Variants in CLEC19A observed in about 807,000 individuals in gnomAD.
CLEC19A encodes the protein C-type lectin domain containing 19A, also known as C-type lectin domain family 19 member A.
CLEC19A carries 21 observed loss-of-function variants against 26.1 expected under a neutral mutation model. The observed-to-expected ratio is 0.80, with a 90% confidence interval of 0.57 to 1.16. The LOEUF (loss-of-function observed/expected upper bound fraction) is 1.16, where lower values mean the gene tolerates loss of function less well. CLEC19A is among the 50% of genes most tolerant of loss of function. The pLI is 0.00. For missense variants in CLEC19A, 224 were observed against 227.6 expected (o/e 0.98, Z 0.10); for synonymous variants, 89 against 88.6 (o/e 1.00, Z -0.03).
At chr16:19,287,832 A>G (rs979730776) in intron 1 of CLEC19A, among the ~76,000 whole-genome samples, 2 of 152,228 alleles carry the variant, frequency 1.3e-5, no homozygotes, top group East Asian at 3.8e-4. Flanking sequence ...GCACATAGGA[A>G]GCATTTAAAA....
At chr16:19,297,499 A>T (rs1200599447) in intron 1 of CLEC19A, among the ~76,000 whole-genome samples, 1 of 152,216 alleles carries the variant, frequency 6.6e-6, no homozygotes, top group African/African-American at 2.4e-5. Context: ...AAATCAGCAG[A>T]AATGCCAAAA....
rs112609793 is a variant in CLEC19A, at chr16:19,304,708, A to T, written c.348+553A>T. Among the ~76,000 whole-genome samples the T allele has an allele frequency of 3.4e-3, 511 of 152,202 alleles. 1 individual carries two copies. The highest frequency in any genetic ancestry group is 0.012 in the African/African-American group (489 of 41,528). On this transcript the variant is annotated intron_variant, in intron 3 of 4. Coordinates refer to ENST00000636231, the MANE Select transcript of CLEC19A (RefSeq NM_001256720.2). ...AGAGCAAGACTCCAACTTGAAAAAA[A>T]AAAAGAAGACACTAAAACATGATTA...
At chr16:19,300,187 A>C (rs938243184) in intron 2 of CLEC19A, among the ~76,000 whole-genome samples, 1 of 151,670 alleles carries the variant, frequency 6.6e-6, no homozygotes, top group Admixed American at 6.6e-5. Context: ...TCATGCCACT[A>C]TACTCCAGCC....
chr16:19,288,262 T>C (rs1337246830), intron 1 of CLEC19A, among the ~76,000 whole-genome samples: 2 of 152,154 alleles, frequency 1.3e-5, no homozygotes, highest in South Asian at 2.1e-4. Context: ...ACAGAGGGAA[T>C]GTGTGTGAGT....
chr16:19,290,712 G>A (rs1442131941), intron 1 of CLEC19A, among the ~76,000 whole-genome samples: 2 of 152,232 alleles, frequency 1.3e-5, no homozygotes, highest in Admixed American at 1.3e-4. Flanking sequence ...CAACTAGGGA[G>A]AGAAAGGGGC....
intron 1 of CLEC19A, among the ~76,000 whole-genome samples, chr16:19,287,360 A>G (rs1171251981): frequency 1.3e-5 from 2 of 152,134 alleles, no homozygotes; most frequent in Non-Finnish European, 2.9e-5. Context: ...TAATCCCATC[A>G]TAAGGATGGG....
intron 1 of CLEC19A, among the ~76,000 whole-genome samples, chr16:19,294,033 C>G (rs1470268601): frequency 6.6e-6 from 1 of 152,048 alleles, no homozygotes; most frequent in African/African-American, 2.4e-5. Context: ...TACCCATTAA[C>G]CACCCCCACT....
intron 2 of CLEC19A, among the ~76,000 whole-genome samples, chr16:19,302,838 C>T (rs73534541): frequency 0.011 from 1,665 of 152,250 alleles, 41 homozygotes; most frequent in African/African-American, 0.038. Context: ...CCAAGTTTTG[C>T]GTCCAGACAT....
intron 4 of CLEC19A, 99 bp from the exon 5 acceptor site, chr16:19,308,905 G>A (rs1366157500): frequency 2.3e-6 from 2 of 864,100 alleles, no homozygotes; most frequent in Non-Finnish European, 3.8e-6. Context: ...ATAGACACAA[G>A]GCCTATTGGA....
At chr16:19,293,694 G>A (rs976379263) in intron 1 of CLEC19A, among the ~76,000 whole-genome samples, 5 of 152,106 alleles carry the variant, frequency 3.3e-5, no homozygotes, top group African/African-American at 7.2e-5. Flanking sequence ...GGGCTCAAGC[G>A]ATTTTCCCAC....
intron 4 of CLEC19A, 31 bp from the exon 5 acceptor site, chr16:19,308,973 C>T (rs1356272653): frequency 2.0e-6 from 3 of 1,536,044 alleles, no homozygotes; most frequent in African/African-American, 2.7e-5. Context: ...GATGGATTTT[C>T]ACCCAGATTC....
intron 1 of CLEC19A, among the ~76,000 whole-genome samples, chr16:19,290,501 A>T (rs111561482): frequency 6.6e-5 from 10 of 151,774 alleles, no homozygotes; most frequent in African/African-American, 2.4e-4. Context: ...TCTTTCTCTA[A>T]CTCTTGTTCA....
intron 2 of CLEC19A, among the ~76,000 whole-genome samples, chr16:19,301,100 G>A (rs1897809465): frequency 6.6e-6 from 1 of 152,204 alleles, no homozygotes; most frequent in Non-Finnish European, 1.5e-5. Flanking sequence ...AGAATTCCTA[G>A]CCTGTAGAGG....
intron 2 of CLEC19A, among the ~76,000 whole-genome samples, chr16:19,300,408 C>T (rs918140460): frequency 3.3e-5 from 5 of 150,712 alleles, no homozygotes; most frequent in South Asian, 2.1e-4. Flanking sequence ...ATTAGCCTGA[C>T]GTGGTGATGC....
chr16:19,295,727 A>AGGTAGAAATGATTTGCT (rs1220758573), intron 1 of CLEC19A, among the ~76,000 whole-genome samples: 2 of 152,170 alleles, frequency 1.3e-5, no homozygotes, highest in Non-Finnish European at 2.9e-5. Flanking sequence ...AGTGGAAAGA[A>AGGTAGAAATGATTTGCT]GGTAGAAATG....
At position 19,285,777 on chromosome 16, in the gene CLEC19A, A is replaced by T; in HGVS notation, c.-75A>T. 1 of 1,339,910 alleles carries T rather than the reference A, an allele frequency of 7.5e-7. No homozygotes were observed. The highest frequency in any genetic ancestry group is 2.5e-5 in the East Asian group (1 of 39,892). 83.0% of individuals were successfully genotyped at this position (1,339,910 alleles called of 1,614,324 possible). Reference sequence around the variant, plus strand: ...GGCTCCATCTGACCCTAGGAGAGCAATCCTGGACCCAAGCTCCAGCCAAAA... The same window carrying T: ...GGCTCCATCTGACCCTAGGAGAGCATTCCTGGACCCAAGCTCCAGCCAAAA... On this transcript the variant is annotated 5_prime_UTR_variant, in exon 1 of 5. Transcript: ENST00000636231.
At chr16:19,296,660 T>A (rs1262965239) in intron 1 of CLEC19A, among the ~76,000 whole-genome samples, 1 of 152,194 alleles carries the variant, frequency 6.6e-6, no homozygotes, top group East Asian at 1.9e-4. Context: ...TACAGGATGA[T>A]CTTGGGCGAG....
intron 1 of CLEC19A, among the ~76,000 whole-genome samples, chr16:19,293,844 C>T (rs1437618073): frequency 6.6e-6 from 1 of 152,132 alleles, no homozygotes; most frequent in East Asian, 1.9e-4. Flanking sequence ...GTGTAATAAT[C>T]ACATCAAGGT....
rs187236906 is a variant in CLEC19A at position 19,287,651 on chromosome 16, G to A, written c.88+1712G>A. Reference sequence around the variant, plus strand: ...AAAAGTGGGAAGGGGCCAAGACTGAGTTTGAAAGCGGGAGTAACTAGGGGT... The same window carrying A: ...AAAAGTGGGAAGGGGCCAAGACTGAATTTGAAAGCGGGAGTAACTAGGGGT... On this transcript the variant is annotated intron_variant, in intron 1 of 4. Coordinates refer to ENST00000636231, the MANE Select transcript of CLEC19A (RefSeq NM_001256720.2). Among the ~76,000 whole-genome samples, 388 of 152,316 alleles carry A rather than the reference G, an allele frequency of 2.5e-3. 3 individuals are homozygous for A. The highest frequency in any genetic ancestry group is 8.9e-3 in the African/African-American group (371 of 41,566).
Sources: gnomAD v4.1 joint callset for allele counts (sites outside exome capture counted in the v4.1 genomes callset) on GRCh38, gnomAD v4.1.1 for gene constraint, MANE v1.5 for transcripts, NCBI Gene and HGNC (gene_info 2026-07-23, HGNC 2026-07-21) for gene names.